Variants in MRPS5 observed in about 807,000 individuals in gnomAD.
MRPS5 encodes mitochondrial ribosomal protein S5.
In MRPS5, 27 loss-of-function variants were observed where a neutral mutation model predicts 51.9. The ratio of observed to expected loss-of-function variants is 0.52; its 90% confidence interval spans 0.38 to 0.72. The LOEUF is 0.72. Ranked by LOEUF, MRPS5 falls within the 30% of genes least tolerant of loss-of-function variation. The probability of loss-of-function intolerance (pLI) is 0.00; values close to 1 mark genes in which losing one functional copy is unlikely to be tolerated. For synonymous variants in MRPS5, 196 were observed against 193.2 expected (o/e 1.01, Z -0.12); for missense variants, 570 against 545.7 (o/e 1.04, Z -0.44).
At chr2:95,104,799 G>T in intron 6 of MRPS5, 69 bp from the exon 7 acceptor site, 2 of 1,417,032 alleles carry the variant, frequency 1.4e-6, no homozygotes, top group Non-Finnish European at 2.0e-6. Context: ...GGAGGGAGCC[G>T]CCTTCCTTGC....
At chr2:95,110,151 G>T in intron 3 of MRPS5, 110 bp from the exon 4 acceptor site, 1 of 1,372,330 alleles carries the variant, frequency 7.3e-7, no homozygotes, top group Non-Finnish European at 9.9e-7. Flanking sequence ...CTTTACCCAT[G>T]CATCACTGAG....
rs142646997 is a variant in MRPS5, at chr2:95,115,257, C to T, written c.140-54G>A. On this transcript the variant is annotated intron_variant, in intron 2 of 11. Transcript: ENST00000272418. ...TAGATGTTTCACAGCTGTGGAAAAA[C>T]ACTGCTAGCATCAAATAATCATTAC... The T allele has an allele frequency of 8.5e-5, 119 of 1,405,462 alleles. No individual in the cohort carries two copies. In the African/African-American group the frequency reaches 1.5e-3, roughly 18 times the overall value. The allele number at this position is 1,405,462 out of a possible 1,614,324, so 87.1% of individuals were successfully genotyped here. A position where few individuals can be genotyped will look rare whatever the true frequency, so the allele number is the denominator to read the frequency against.
chr2:95,112,874 G>A (rs564106420), intron 3 of MRPS5, among the ~76,000 whole-genome samples: 5 of 151,922 alleles, frequency 3.3e-5, no homozygotes, highest in South Asian at 4.2e-4. Flanking sequence ...GCGTGGTGGC[G>A]GGTGCCTGTA....
intron 7 of MRPS5, 159 bp downstream of exon 7, chr2:95,104,481 A>T: frequency 1.4e-6 from 1 of 732,004 alleles, no homozygotes. Flanking sequence ...AAGGGAAGTC[A>T]TGGACTTACC....
intron 2 of MRPS5, among the ~76,000 whole-genome samples, chr2:95,117,146 GAAAA>G (rs879591863): frequency 3.1e-5 from 3 of 95,952 alleles, no homozygotes; most frequent in African/African-American, 3.9e-5. Flanking sequence ...ATCTCAAAAA[GAAAA>G]AAAAAAAAAA....
chr2:95,108,096 G>A, intron 5 of MRPS5, 79 bp downstream of exon 5: 2 of 1,265,008 alleles, frequency 1.6e-6, no homozygotes, highest in Non-Finnish European at 2.3e-6. Context: ...AAACAGACAA[G>A]TAATAACACC....
In MRPS5 at chr2:95,106,685, A is replaced by T. The variant is rs1341774587; in HGVS notation, c.638-228T>A. The T allele has an allele frequency of 1.4e-5, 8 of 562,388 alleles. No individual in the cohort carries two copies. In the East Asian group the frequency reaches 2.4e-4, roughly 17 times the overall value. The allele number at this position is 562,388 out of a possible 1,614,324, so 34.8% of individuals were successfully genotyped here. ...TCTCCCCACCTGCACCCTCCTCCCC[A>T]TCCATCTCTCATCAGCTCCTGGCCC... On this transcript the variant is annotated intron_variant, in intron 5 of 11. Coordinates refer to ENST00000272418, the MANE Select transcript of MRPS5 (RefSeq NM_031902.5).
rs1487110169 is a variant in MRPS5 at position 95,104,982 on chromosome 2, TA to T, written c.673-253del. Among the ~76,000 whole-genome samples the T allele has an allele frequency of 2.0e-5, 3 of 152,314 alleles. No individual in the cohort carries two copies. In the South Asian group the frequency reaches 6.2e-4, roughly 32 times the overall value. ...GGCTTATGATAACTGAGAAAACCTT[TA>T]AAGGAATTTGACATTATACATCTCG... is the stretch of plus-strand genomic sequence containing the variant. On this transcript the variant is annotated intron_variant, in intron 6 of 11. Coordinates refer to ENST00000272418, the MANE Select transcript of MRPS5 (RefSeq NM_031902.5).
intron 3 of MRPS5, among the ~76,000 whole-genome samples, chr2:95,110,779 A>C (rs183525017): frequency 1.2e-3 from 188 of 152,334 alleles, no homozygotes; most frequent in African/African-American, 4.3e-3. Context: ...TTGGGGACAG[A>C]GTGAGACCCT....
intron 6 of MRPS5, 136 bp from the exon 7 acceptor site, chr2:95,104,866 T>C (rs1356233104): frequency 1.0e-5 from 7 of 674,394 alleles, no homozygotes; most frequent in African/African-American, 3.6e-5. Flanking sequence ...CTCCAACTCC[T>C]GAGCACAAGT....
chr2:95,107,833 A>T (rs1337256585), intron 5 of MRPS5, among the ~76,000 whole-genome samples: 1 of 152,158 alleles, frequency 6.6e-6, no homozygotes, highest in African/African-American at 2.4e-5. Flanking sequence ...AGCATTCCCA[A>T]GCCATGCTGC....
chr2:95,113,307 T>C (rs1302492123), intron 3 of MRPS5, among the ~76,000 whole-genome samples: 2 of 151,744 alleles, frequency 1.3e-5, no homozygotes, highest in African/African-American at 4.8e-5. Flanking sequence ...AAACCCCGTC[T>C]CTACTAAAAA....
chr2:95,117,794 T>C (rs1676327162), intron 2 of MRPS5, 71 bp downstream of exon 2: 1 of 1,313,378 alleles, frequency 7.6e-7, no homozygotes, highest in Admixed American at 2.4e-5. Context: ...TTACTTATAT[T>C]TTTTAAAACT....
intron 10 of MRPS5, 33 bp downstream of exon 10, chr2:95,100,441 A>T: frequency 2.7e-6 from 4 of 1,494,808 alleles, no homozygotes; most frequent in Non-Finnish European, 3.7e-6. Flanking sequence ...TCTCTGCTTT[A>T]TCATCAACAA....
Position 95,108,368 on chromosome 2 carries a change from A to T in MRPS5, c.444T>A (p.Leu148=). The change falls in exon 5 of 12, where the codon CTT becomes CTA. Residue 148 remains leucine (L), a synonymous_variant. Coordinates refer to ENST00000272418, the MANE Select transcript of MRPS5 (RefSeq NM_031902.5). Reference sequence around the variant, plus strand: ...TGGTCTGCACTGCTCCATTTTTCATAAGAGGGACATTCAGTCCGGGCCATA... The same window carrying T: ...TGGTCTGCACTGCTCCATTTTTCATTAGAGGGACATTCAGTCCGGGCCATA... The part of the protein sequence containing the change: ...GFLWPGLNVP[L]MKNGAVQTIA... 2 of 1,614,148 alleles carry T rather than the reference A, an allele frequency of 1.2e-6. No homozygotes were observed. The highest frequency in any genetic ancestry group is 8.5e-7 in the Non-Finnish European group (1 of 1,180,028).
chr2:95,101,140 T>A (rs1286773186), intron 8 of MRPS5, among the ~76,000 whole-genome samples: 1 of 152,132 alleles, frequency 6.6e-6, no homozygotes, highest in Non-Finnish European at 1.5e-5. Flanking sequence ...TCCCAGCACT[T>A]TGGGAGGCCG....
At chr2:95,106,767 C>T (rs1256034112) in intron 5 of MRPS5, 3 of 431,154 alleles carry the variant, frequency 7.0e-6, no homozygotes, top group African/African-American at 6.0e-5. Context: ...ACGGCCTCTC[C>T]CCCTAGGCCA....
intron 3 of MRPS5, among the ~76,000 whole-genome samples, chr2:95,113,979 G>A (rs1247055592): frequency 6.6e-6 from 1 of 151,560 alleles, no homozygotes; most frequent in Non-Finnish European, 1.5e-5. Context: ...TATTAGCTGG[G>A]TGTGGTGGCA....
intron 4 of MRPS5, among the ~76,000 whole-genome samples, chr2:95,108,779 T>C (rs908592628): frequency 6.6e-6 from 1 of 152,196 alleles, no homozygotes; most frequent in African/African-American, 2.4e-5. Flanking sequence ...AAGGTAACTC[T>C]CTAGGTTCTG....
Sources: allele counts gnomAD v4.1 joint callset (sites outside exome capture counted in the v4.1 genomes callset), GRCh38; gene constraint gnomAD v4.1.1; transcripts MANE v1.5; gene names NCBI Gene and HGNC (gene_info 2026-07-23, HGNC 2026-07-21).